Variants in TMEM108 observed in about 807,000 individuals in gnomAD.
The protein encoded by TMEM108 is transmembrane protein 108.
TMEM108 carries 12 observed loss-of-function variants against 35.1 expected under a neutral mutation model. That is an observed-to-expected ratio of 0.34 (90% confidence interval 0.22 to 0.55). The LOEUF is 0.55. TMEM108 is among the 20% of genes least tolerant of loss of function. The probability of loss-of-function intolerance (pLI) is 0.89; values close to 1 mark genes in which losing one functional copy is unlikely to be tolerated. For missense variants in TMEM108, 680 were observed against 753.3 expected, an observed-to-expected ratio of 0.90 and a Z score of 1.14; for synonymous variants, 287 against 308.6, an observed-to-expected ratio of 0.93 and a Z score of 0.73.
intron 3 of TMEM108, among the ~76,000 whole-genome samples, chr3:133,354,175 C>T (rs1054014331): frequency 1.1e-4 from 16 of 152,200 alleles, no homozygotes; most frequent in African/African-American, 3.9e-4. Context: ...TATAAACCAC[C>T]TTGAAGCCTT....
At chr3:133,167,344 G>T (rs1240437026) in intron 2 of TMEM108, among the ~76,000 whole-genome samples, 1 of 152,270 alleles carries the variant, frequency 6.6e-6, no homozygotes, top group South Asian at 2.1e-4. Flanking sequence ...TTGCCTAGTG[G>T]ATCCTGCTCC....
chr3:133,312,667 T>A (rs565400994), intron 3 of TMEM108, among the ~76,000 whole-genome samples: 1 of 152,366 alleles, frequency 6.6e-6, no homozygotes, highest in East Asian at 1.9e-4. Flanking sequence ...GGAAATCCCC[T>A]GACCCCTTGT....
At chr3:133,362,173 T>G (rs2072370442) in intron 3 of TMEM108, among the ~76,000 whole-genome samples, 1 of 152,176 alleles carries the variant, frequency 6.6e-6, no homozygotes, top group Non-Finnish European at 1.5e-5. Context: ...AACAGAAACT[T>G]TGCTGCAGGC....
At chr3:133,105,655 A>T (rs1349912656) in intron 2 of TMEM108, among the ~76,000 whole-genome samples, 1 of 151,864 alleles carries the variant, frequency 6.6e-6, no homozygotes, top group Non-Finnish European at 1.5e-5. Flanking sequence ...GTTTCTTTAG[A>T]ATTCTGCCTG....
chr3:133,104,794 T>G (rs1247726518), intron 2 of TMEM108, among the ~76,000 whole-genome samples: 1 of 152,192 alleles, frequency 6.6e-6, no homozygotes, highest in Non-Finnish European at 1.5e-5. Context: ...ACGGCCTCCA[T>G]TCATTTCCTT....
chr3:133,164,273 T>C (rs189467465), intron 2 of TMEM108, among the ~76,000 whole-genome samples: 1 of 152,348 alleles, frequency 6.6e-6, no homozygotes, highest in African/African-American at 2.4e-5. Flanking sequence ...CCAGGATTTC[T>C]TACTGACTTG....
chr3:133,175,802 A>G (rs1455355252), intron 2 of TMEM108, among the ~76,000 whole-genome samples: 4 of 152,304 alleles, frequency 2.6e-5, no homozygotes, highest in African/African-American at 9.6e-5. Flanking sequence ...ATAATGACAG[A>G]TCAAATTCAC....
rs553031895 is a variant in TMEM108 at position 133,386,620 on chromosome 3, A to G, written c.1451-3560A>G. On this transcript the variant is annotated intron_variant, in intron 4 of 5. Transcript: ENST00000321871. ...TAAAACTCAAGGAAATTGGGACTCC[A>G]TGACCTCCTCCAGAGTCTTGATGGC... 2.3e-4 allele frequency: 331 copies of G among 1,434,984 alleles called. No individual in the cohort carries two copies. In the African/African-American group the frequency reaches 4.2e-3, roughly 18 times the overall value. 88.9% of individuals were successfully genotyped at this position (1,434,984 alleles called of 1,614,324 possible).
At chr3:133,256,354 T>G (rs1946545992) in intron 3 of TMEM108, among the ~76,000 whole-genome samples, 1 of 152,184 alleles carries the variant, frequency 6.6e-6, no homozygotes, top group African/African-American at 2.4e-5. Context: ...AAAGAACATT[T>G]CTTCTGAGAA....
chr3:133,229,940 G>T (rs1380013939), intron 3 of TMEM108, among the ~76,000 whole-genome samples: 2 of 152,068 alleles, frequency 1.3e-5, no homozygotes, highest in Non-Finnish European at 2.9e-5. Flanking sequence ...ATGTGTTTTG[G>T]GTATAGTGCC....
At chr3:133,196,060 A>G (rs1410846575) in intron 2 of TMEM108, among the ~76,000 whole-genome samples, 19 of 152,226 alleles carry the variant, frequency 1.2e-4, no homozygotes, top group Admixed American at 1.2e-3. Context: ...TTTTACAGAT[A>G]TAGCAAATCC....
intron 2 of TMEM108, among the ~76,000 whole-genome samples, chr3:133,174,306 G>C (rs1945177320): frequency 6.6e-6 from 1 of 152,228 alleles, no homozygotes; most frequent in African/African-American, 2.4e-5. Flanking sequence ...AAATGTCCCT[G>C]TCTGACAGCT....
intron 2 of TMEM108, among the ~76,000 whole-genome samples, chr3:133,057,132 G>A (rs1379279571): frequency 3.9e-5 from 6 of 152,090 alleles, no homozygotes; most frequent in South Asian, 4.2e-4. Context: ...TTCTGCCCTC[G>A]TCTGTCAGCT....
chr3:133,198,013 G>A (rs1390435933), intron 2 of TMEM108, among the ~76,000 whole-genome samples: 2 of 152,130 alleles, frequency 1.3e-5, no homozygotes, highest in Non-Finnish European at 2.9e-5. Context: ...TTCAAATGGT[G>A]GGATTAATGC....
At chr3:133,220,033 G>C (rs1238107595) in intron 2 of TMEM108, among the ~76,000 whole-genome samples, 1 of 148,628 alleles carries the variant, frequency 6.7e-6, no homozygotes, top group East Asian at 2.0e-4. Context: ...ATATCCTCTT[G>C]ATGAATTGAA....
At chr3:133,116,088 A>G (rs1944284746) in intron 2 of TMEM108, among the ~76,000 whole-genome samples, 1 of 152,210 alleles carries the variant, frequency 6.6e-6, no homozygotes, top group African/African-American at 2.4e-5. Context: ...GTCTTTAGTA[A>G]TGAGAGAAAT....
At chr3:133,122,104 G>A (rs1944359925) in intron 2 of TMEM108, among the ~76,000 whole-genome samples, 1 of 151,944 alleles carries the variant, frequency 6.6e-6, no homozygotes. Flanking sequence ...TGTTGTATAT[G>A]TACGGTGCTT....
At chr3:133,315,173 T>G (rs2071181873) in intron 3 of TMEM108, among the ~76,000 whole-genome samples, 1 of 152,230 alleles carries the variant, frequency 6.6e-6, no homozygotes, top group Admixed American at 6.5e-5. Context: ...CTTATCCTAT[T>G]ATTCTACTGA....
chr3:133,172,752 G>A (rs932134498), intron 2 of TMEM108, among the ~76,000 whole-genome samples: 1 of 152,168 alleles, frequency 6.6e-6, no homozygotes, highest in Admixed American at 6.5e-5. Flanking sequence ...CAATTGATAT[G>A]GTTTGGCTGT....
Sources: allele counts gnomAD v4.1 joint callset (sites outside exome capture counted in the v4.1 genomes callset), GRCh38; gene constraint gnomAD v4.1.1; transcripts MANE v1.5; gene names NCBI Gene and HGNC (gene_info 2026-07-23, HGNC 2026-07-21).